The following GREB1L variants were observed in gnomAD, a reference collection of about 807,000 sequenced individuals.
GREB1L encodes the protein GREB1 like retinoic acid receptor coactivator.
A neutral mutation model predicts 200.8 loss-of-function variants in GREB1L; 17 were observed. That is an observed-to-expected ratio of 0.08 (90% confidence interval 0.06 to 0.13). GREB1L has a LOEUF of 0.13. GREB1L is among the 10% of genes least tolerant of loss of function. The pLI is 1.00. For missense variants in GREB1L, 1,657 were observed against 2,367.7 expected, an observed-to-expected ratio of 0.70 and a Z score of 6.23; for synonymous variants, 789 against 893.0, an observed-to-expected ratio of 0.88 and a Z score of 2.08.
At chr18:21,252,744 T>C (rs1277772832) in intron 1 of GREB1L, among the ~76,000 whole-genome samples, 1 of 151,254 alleles carries the variant, frequency 6.6e-6, no homozygotes, top group Non-Finnish European at 1.5e-5. Flanking sequence ...GGCGGGTGCC[T>C]GTAATCCCAG....
intron 7 of GREB1L, among the ~76,000 whole-genome samples, chr18:21,426,246 C>T (rs1165767524): frequency 6.6e-6 from 1 of 151,702 alleles, no homozygotes; most frequent in Non-Finnish European, 1.5e-5. Flanking sequence ...TTGGTACAGA[C>T]GGGGGTTTCA....
At chr18:21,486,807 G>A (rs1450113735) in intron 18 of GREB1L, among the ~76,000 whole-genome samples, 31 of 152,078 alleles carry the variant, frequency 2.0e-4, no homozygotes, top group Non-Finnish European at 3.8e-4. Context: ...CCAATGTTGG[G>A]GCGATTGGGC....
intron 11 of GREB1L, among the ~76,000 whole-genome samples, chr18:21,447,480 G>C (rs1015190143): frequency 1.3e-5 from 2 of 152,142 alleles, no homozygotes; most frequent in Non-Finnish European, 2.9e-5. Flanking sequence ...GGCAACAAAG[G>C]ATGTTGTGAA....
chr18:21,470,594 T>A (rs1287366129), intron 15 of GREB1L, among the ~76,000 whole-genome samples: 4 of 152,222 alleles, frequency 2.6e-5, no homozygotes, highest in Admixed American at 6.5e-5. Context: ...TAAATTCTTA[T>A]TGATTCATCC....
rs192187194 is a variant in GREB1L at position 21,338,438 on chromosome 18, T to C, written c.-119-27589T>C. On this transcript the variant is annotated intron_variant, in intron 1 of 32. Transcript: ENST00000424526. ...TATTTTGTTATATTCAGATCAAATA[T>C]AGCCCATGCTGTAGCCATTGCTGAA... 3.3e-5 allele frequency among the ~76,000 whole-genome samples: 5 copies of C among 152,394 alleles called. No individual in the cohort carries two copies. The East Asian group carries it at 5.8e-4, about 18-fold the overall frequency.
At chr18:21,490,544 T>G (rs557286458) in intron 19 of GREB1L, among the ~76,000 whole-genome samples, 193 bp downstream of exon 19, 2 of 152,282 alleles carry the variant, frequency 1.3e-5, no homozygotes, top group African/African-American at 2.4e-5. Flanking sequence ...CAGCCCTTTA[T>G]AGCATGCAGT....
chr18:21,273,825 A>G (rs1351114573), intron 1 of GREB1L, among the ~76,000 whole-genome samples: 2 of 152,202 alleles, frequency 1.3e-5, no homozygotes, highest in Non-Finnish European at 2.9e-5. Flanking sequence ...GAGGGACAGG[A>G]CAGGTGGAGA....
intron 1 of GREB1L, among the ~76,000 whole-genome samples, chr18:21,322,034 T>G (rs1165179402): frequency 2.6e-5 from 4 of 152,108 alleles, no homozygotes; most frequent in African/African-American, 9.7e-5. Flanking sequence ...CAAAAAAAAT[T>G]AGAATAAGGA....
At chr18:21,516,879 T>TG (rs1363730935) in intron 30 of GREB1L, 125 bp downstream of exon 30, 2 of 676,550 alleles carry the variant, frequency 3.0e-6, no homozygotes, top group Non-Finnish European at 4.3e-6. Flanking sequence ...ACAAGGGAGT[T>TG]TTTTTTTTTT....
intron 1 of GREB1L, among the ~76,000 whole-genome samples, chr18:21,349,314 A>G (rs2039400041): frequency 6.6e-6 from 1 of 152,230 alleles, no homozygotes; most frequent in Non-Finnish European, 1.5e-5. Flanking sequence ...CTCCTTACAG[A>G]GACTGGCCCC....
chr18:21,243,171 G>A (rs2037533464), intron 1 of GREB1L, among the ~76,000 whole-genome samples: 2 of 152,030 alleles, frequency 1.3e-5, no homozygotes, highest in African/African-American at 4.8e-5. Flanking sequence ...GGGTGAGGGA[G>A]ACTCGTTAAA....
intron 15 of GREB1L, among the ~76,000 whole-genome samples, chr18:21,460,221 C>G (rs1416521420): frequency 2.0e-5 from 3 of 152,184 alleles, no homozygotes; most frequent in African/African-American, 7.2e-5. Flanking sequence ...GTGGCCCAGG[C>G]TGGAGTACAA....
chr18:21,522,699 C>G lies in GREB1L; in HGVS notation c.5650C>G (p.Arg1884Gly). 6.4e-7 allele frequency: 1 copy of G among 1,551,640 alleles called. No homozygotes were observed. Among genetic ancestry groups the G allele is most frequent in the Non-Finnish European group, 8.7e-7 (1 of 1,146,972 alleles). Reference protein sequence around the residue: ...CVICQDRSSLRQTIVRLELED... With the variant: ...CVICQDRSSLGQTIVRLELED... ...CATCTGCCAAGACAGAAGTTCCTTG[C>G]GCCAAACAATTGTCCGCTTAGAGCT... Residue 1884 changes from arginine to glycine, a missense_variant, in exon 33 of 33, where the codon CGC becomes GGC. By Grantham distance (125) the Arg-to-Gly change is moderately radical. This residue lies in a region of GREB1L where 190 missense variants were observed against 230.2 expected (regional missense o/e 0.83). Transcript: ENST00000424526.
At chr18:21,265,759 C>CT (rs982675733) in intron 1 of GREB1L, among the ~76,000 whole-genome samples, 8 of 150,872 alleles carry the variant, frequency 5.3e-5, no homozygotes, top group Non-Finnish European at 1.0e-4. Context: ...CACAGTTTTT[C>CT]TTTTTTTTTA....
At chr18:21,279,143 T>C (rs1234459788) in intron 1 of GREB1L, among the ~76,000 whole-genome samples, 5 of 152,178 alleles carry the variant, frequency 3.3e-5, no homozygotes, top group African/African-American at 9.6e-5. Flanking sequence ...AAAGAAAAGA[T>C]TACATTTTAG....
At chr18:21,485,799 G>A in intron 18 of GREB1L, 46 bp downstream of exon 18, 1 of 1,537,130 alleles carries the variant, frequency 6.5e-7, no homozygotes, top group Non-Finnish European at 8.8e-7. Flanking sequence ...AGCTGTACTT[G>A]CAGATCTAAA....
At chr18:21,286,102 C>T (rs544794644) in intron 1 of GREB1L, among the ~76,000 whole-genome samples, 2 of 152,224 alleles carry the variant, frequency 1.3e-5, no homozygotes, top group South Asian at 4.2e-4. Flanking sequence ...ACATACAACT[C>T]CCACATTTTC....
rs75862599 is a variant in GREB1L, at chr18:21,510,212, C to A, written c.4735+1621C>A. Among the ~76,000 whole-genome samples, 129 of 143,556 alleles carry A rather than the reference C, an allele frequency of 9.0e-4. No homozygotes were observed. In the Middle Eastern group the frequency reaches 0.014, roughly 16 times the overall value. 94.2% of individuals were successfully genotyped at this position (143,556 alleles called of 152,430 possible). A position where few individuals can be genotyped will look rare whatever the true frequency, so the allele number is the denominator to read the frequency against. ...CTGCGTGACAACAGTGAAACTGTCTCCAAAAAAAAAAAAAAAAAGTACTGC... is the reference window on the plus strand; with the variant it reads ...CTGCGTGACAACAGTGAAACTGTCTACAAAAAAAAAAAAAAAAAGTACTGC... On this transcript the variant is annotated intron_variant, in intron 27 of 32. Transcript: ENST00000424526.
intron 18 of GREB1L, among the ~76,000 whole-genome samples, chr18:21,488,934 G>C (rs962044389): frequency 1.3e-5 from 2 of 152,178 alleles, no homozygotes; most frequent in Non-Finnish European, 2.9e-5. Flanking sequence ...TGGGATTATA[G>C]GCATGAGCCA....
Sources: gnomAD v4.1 joint callset for allele counts (sites outside exome capture counted in the v4.1 genomes callset) on GRCh38, gnomAD v4.1.1 for gene constraint, gnomAD v4.1.1 regional missense constraint, MANE v1.5 for transcripts, NCBI Gene and HGNC (gene_info 2026-07-23, HGNC 2026-07-21) for gene names.